Variants in EML6 observed in about 807,000 individuals in gnomAD.
EML6 encodes the protein echinoderm microtubule-associated protein-like 6.
Under a neutral mutation model 240.1 loss-of-function variants are expected in EML6, and 154 were observed. The observed-to-expected ratio is 0.64, with a 90% CI of 0.56 to 0.73. EML6 has a LOEUF of 0.73. Among genes scored for constraint, EML6 ranks in the 30% least tolerant of loss-of-function variants. The pLI, the probability that EML6 is intolerant of heterozygous loss-of-function variation, is 0.00. For synonymous variants in EML6, 1,148 were observed against 899.0 expected (o/e 1.28, Z -4.95); for missense variants, 2,964 against 2,474.6 (o/e 1.20, Z -4.20).
chr2:54,791,049 A>G (rs948981325), intron 2 of EML6, among the ~76,000 whole-genome samples: 2 of 152,206 alleles, frequency 1.3e-5, no homozygotes, highest in Non-Finnish European at 2.9e-5. Flanking sequence ...CAAACTTTGA[A>G]GCAAACAGTC....
chr2:54,871,728 C>G (rs749739304), intron 16 of EML6, 123 bp downstream of exon 16: 1 of 723,112 alleles, frequency 1.4e-6, no homozygotes, highest in Non-Finnish European at 2.4e-6. Context: ...CTTAGTCGTT[C>G]TGTTTGTATT....
intron 8 of EML6, among the ~76,000 whole-genome samples, chr2:54,845,687 A>G (rs971213248): frequency 5.9e-5 from 9 of 152,194 alleles, no homozygotes; most frequent in African/African-American, 1.4e-4. Flanking sequence ...GCATGAGATC[A>G]TGCATGATGG....
intron 28 of EML6, among the ~76,000 whole-genome samples, chr2:54,931,131 G>T (rs1674838016): frequency 6.6e-6 from 1 of 151,888 alleles, no homozygotes. Context: ...CTAATTTTTT[G>T]TATTTTTAGT....
chr2:54,924,631 G>A (rs750318688), intron 26 of EML6, among the ~76,000 whole-genome samples: 7 of 151,974 alleles, frequency 4.6e-5, no homozygotes, highest in East Asian at 3.9e-4. Flanking sequence ...GCGTGATCTC[G>A]GCTCACTGCA....
intron 2 of EML6, among the ~76,000 whole-genome samples, chr2:54,796,760 T>C (rs1339003538): frequency 6.6e-6 from 1 of 152,034 alleles, no homozygotes. Context: ...GTGTTTCTTG[T>C]GGTAACATAA....
chr2:54,820,400 G>T lies in EML6; in HGVS notation c.463G>T (p.Asp155Tyr). 1.3e-6 allele frequency: 2 copies of T among 1,548,430 alleles called. No homozygotes were observed. Among genetic ancestry groups the T allele is most frequent in the South Asian group, 1.2e-5 (1 of 83,604 alleles). The change falls in exon 5 of 42, where the codon GAT (aspartate) becomes TAT (tyrosine). Residue 155 changes from aspartate (D) to tyrosine (Y), a missense_variant. Physicochemically the swap from Asp to Tyr is radical, Grantham distance 160 (BLOSUM62 -3). Transcript: ENST00000356458. ...SATGHSDRIF[D>Y]ISWDPYQPNR... The stretch of plus-strand genomic sequence containing the variant: ...CTTTTAATGTTTTGAACAGATTTTT[G>T]ATATTTCCTGGGATCCATATCAGCC...
chr2:54,929,059 T>C (rs1370742586), intron 28 of EML6, among the ~76,000 whole-genome samples: 10 of 152,206 alleles, frequency 6.6e-5, no homozygotes. Context: ...AAAGCAGTCC[T>C]GACTGTGGCA....
chr2:54,823,182 A>T lies in EML6; in HGVS notation c.525+2720A>T, dbSNP rs552352248. 4.3e-4 allele frequency among the ~76,000 whole-genome samples: 66 copies of T among 152,348 alleles called. No individual in the cohort carries two copies. The South Asian group carries it at 0.013, about 29-fold the overall frequency. ...AGACAGAATGTTTTGGAAGAAAGGT[A>T]AAAATCAAAGCCCTCTATCGATAAA... is the stretch of plus-strand genomic sequence containing the variant. On this transcript the variant is annotated intron_variant, in intron 5 of 41. Transcript: ENST00000356458.
In EML6 at chr2:54,959,086, A is replaced by T. The variant is rs1184999605; in HGVS notation, c.4696-18A>T. 6.5e-7 allele frequency: 1 copy of T among 1,545,252 alleles called. No individual in the cohort carries two copies. The highest frequency in any genetic ancestry group is 2.5e-5 in the East Asian group (1 of 40,804). ...CTTGAGTGTGTTCCGGGTGTAGAAG[A>T]TGTTGTTTTGTTTACAGAACAATCT... On this transcript the variant is annotated intron_variant, in intron 33 of 41. Coordinates refer to ENST00000356458, the MANE Select transcript of EML6 (RefSeq NM_001039753.4).
chr2:54,950,887 C>A (rs1166261989), intron 30 of EML6, 108 bp downstream of exon 30: 17 of 1,174,774 alleles, frequency 1.4e-5, no homozygotes, highest in Admixed American at 2.6e-5. Context: ...CTTATAGAGC[C>A]ATTCCCCCCA....
chr2:54,835,140 G>T (rs540989609), intron 7 of EML6, among the ~76,000 whole-genome samples: 9 of 152,180 alleles, frequency 5.9e-5, no homozygotes, highest in Admixed American at 4.6e-4. Flanking sequence ...AGCCTATGCT[G>T]ATGATCTCTT....
chr2:54,815,591 G>T (rs112967894), intron 3 of EML6, among the ~76,000 whole-genome samples: 1 of 152,062 alleles, frequency 6.6e-6, no homozygotes, highest in South Asian at 2.1e-4. Context: ...CACCCATTCA[G>T]ATTTTCTTAT....
At chr2:54,796,427 T>A (rs1669775844) in intron 2 of EML6, among the ~76,000 whole-genome samples, 2 of 152,220 alleles carry the variant, frequency 1.3e-5, no homozygotes, top group African/African-American at 4.8e-5. Flanking sequence ...GGAATCACAT[T>A]TATATAACCT....
chr2:54,785,169 A>G (rs1349087268), intron 2 of EML6, among the ~76,000 whole-genome samples: 1 of 81,726 alleles, frequency 1.2e-5, no homozygotes, highest in East Asian at 3.2e-4. Flanking sequence ...CCACACACAC[A>G]CTTTTTTTTT....
At chr2:54,916,046 A>G (rs1202764540) in intron 25 of EML6, among the ~76,000 whole-genome samples, 1 of 152,254 alleles carries the variant, frequency 6.6e-6, no homozygotes, top group East Asian at 1.9e-4. Flanking sequence ...CAGACAAAAC[A>G]GTTTTAAAGG....
intron 28 of EML6, among the ~76,000 whole-genome samples, chr2:54,932,075 T>C (rs978301141): frequency 2.0e-5 from 3 of 152,268 alleles, no homozygotes; most frequent in Non-Finnish European, 4.4e-5. Context: ...TTGTGAGTTC[T>C]TATTCTTCAG....
intron 26 of EML6, among the ~76,000 whole-genome samples, chr2:54,921,074 T>G (rs567953683): frequency 6.6e-6 from 1 of 151,984 alleles, no homozygotes; most frequent in South Asian, 2.1e-4. Context: ...AACTTTTCCT[T>G]TAAGATAAGG....
At chr2:54,898,398 C>A (rs1242947949) in intron 21 of EML6, among the ~76,000 whole-genome samples, 3 of 152,102 alleles carry the variant, frequency 2.0e-5, no homozygotes, top group African/African-American at 7.2e-5. Context: ...CAAGCAGAGT[C>A]AGTCTGGGAA....
intron 2 of EML6, among the ~76,000 whole-genome samples, chr2:54,742,721 T>C (rs1683710034): frequency 6.6e-6 from 1 of 152,230 alleles, no homozygotes; most frequent in African/African-American, 2.4e-5. Context: ...CTTCTTCCTC[T>C]AGACACACTG....
Sources: allele counts gnomAD v4.1 joint callset (sites outside exome capture counted in the v4.1 genomes callset), GRCh38; gene constraint gnomAD v4.1.1; transcripts MANE v1.5; gene names NCBI Gene and HGNC (gene_info 2026-07-23, HGNC 2026-07-21).